CNTN4: variants seen among roughly 807,000 people sequenced by gnomAD.
CNTN4 encodes the protein contactin 4, also known as contactin-4.
A neutral mutation model predicts 122.5 loss-of-function variants in CNTN4; 77 were observed. That is an observed-to-expected ratio of 0.63 (90% CI 0.52 to 0.76). The LOEUF is 0.76. CNTN4 is among the 30% of genes least tolerant of loss of function. CNTN4 has a pLI of 0.00. For missense variants in CNTN4, 1,256 were observed against 1,259.1 expected (o/e 1.00, Z 0.04); for synonymous variants, 512 against 447.0 (o/e 1.15, Z -1.83).
intron 13 of CNTN4, 38 bp downstream of exon 13, chr3:2,925,817 G>C (rs778601896): frequency 6.5e-7 from 1 of 1,548,602 alleles, no homozygotes; most frequent in Non-Finnish European, 8.9e-7. Flanking sequence ...TGGTTAACCT[G>C]TAAAAATGTG....
intron 5 of CNTN4, 135 bp from the exon 6 acceptor site, chr3:2,745,387 T>A: frequency 1.3e-6 from 1 of 757,674 alleles, no homozygotes; most frequent in Non-Finnish European, 2.2e-6. Context: ...AGAGCATTTC[T>A]AACTTCTTAA....
Position 3,037,561 on chromosome 3 carries a change from C to T in CNTN4, c.2092+233C>T, listed in dbSNP as rs186701111. The T allele has an allele frequency of 3.6e-5, 20 of 552,410 alleles. 1 individual carries two copies. The highest frequency in any genetic ancestry group is 2.4e-4 in the Admixed American group (9 of 37,918). The allele number at this position is 552,410 out of a possible 1,614,324, so 34.2% of individuals were successfully genotyped here. ...GTCCACTTGTACAGCAAGAGACACA[C>T]GGTGCTTAGTCCTCTCAAAAGCCAG... On this transcript the variant is annotated intron_variant, in intron 18 of 24. Transcript: ENST00000418658.
rs569455202 is a variant in CNTN4, at chr3:2,834,302, C to T, written c.454+14721C>T. Among the ~76,000 whole-genome samples, 61 of 152,176 alleles carry T rather than the reference C, an allele frequency of 4.0e-4. 1 individual carries two copies. In the Middle Eastern group the frequency reaches 0.021, roughly 51 times the overall value. ...AGTTGTGGCCAGGCATAGTGGCTCA[C>T]GCCTGTAATCCCAGCACTTTGGGAG... On this transcript the variant is annotated intron_variant, in intron 7 of 24. Coordinates refer to ENST00000418658, the MANE Select transcript of CNTN4 (RefSeq NM_175607.3).
At chr3:2,326,115 T>C (rs998259046) in intron 2 of CNTN4, among the ~76,000 whole-genome samples, 1 of 152,194 alleles carries the variant, frequency 6.6e-6, no homozygotes, top group Non-Finnish European at 1.5e-5. Context: ...AATTAGTAGA[T>C]GGAATAAAGC....
In CNTN4 at chr3:2,722,852, G is replaced by T. The variant is rs141279836; in HGVS notation, c.56-13363G>T. Among the ~76,000 whole-genome samples the T allele has an allele frequency of 1.5e-3, 221 of 152,220 alleles. 1 individual carries two copies. Among genetic ancestry groups the T allele is most frequent in the African/African-American group, 5.2e-3 (214 of 41,548 alleles). ...CTCTTTTATAATGTTTTCTATAGAGGATACTTTAGGACAGAATATCCCTTC... is the reference window on the plus strand; with the variant it reads ...CTCTTTTATAATGTTTTCTATAGAGTATACTTTAGGACAGAATATCCCTTC... On this transcript the variant is annotated intron_variant, in intron 4 of 24. Transcript: ENST00000418658.
chr3:2,453,809 T>G (rs2048911344), intron 3 of CNTN4, among the ~76,000 whole-genome samples: 1 of 152,154 alleles, frequency 6.6e-6, no homozygotes, highest in African/African-American at 2.4e-5. Flanking sequence ...TAGCCCAAAC[T>G]ACAAGTCAAC....
At chr3:2,932,798 G>GTATT (rs1394569935) in intron 13 of CNTN4, among the ~76,000 whole-genome samples, 1 of 135,208 alleles carries the variant, frequency 7.4e-6, no homozygotes, top group African/African-American at 3.0e-5. Flanking sequence ...GATGCTTACA[G>GTATT]TCTTTATTTA....
chr3:2,898,245 C>G (rs1012106306), intron 10 of CNTN4, among the ~76,000 whole-genome samples: 1 of 152,108 alleles, frequency 6.6e-6, no homozygotes, highest in African/African-American at 2.4e-5. Context: ...TCTTCATGGG[C>G]CCACGTTCAG....
intron 4 of CNTN4, among the ~76,000 whole-genome samples, chr3:2,645,886 T>C (rs1470392843): frequency 2.0e-5 from 3 of 152,220 alleles, no homozygotes; most frequent in Non-Finnish European, 2.9e-5. Context: ...CACTGAGACA[T>C]ACATGCACAG....
chr3:2,353,284 A>G (rs2044718836), intron 3 of CNTN4, among the ~76,000 whole-genome samples: 1 of 152,178 alleles, frequency 6.6e-6, no homozygotes, highest in South Asian at 2.1e-4. Flanking sequence ...TAAACACACC[A>G]ATCAGCACCC....
chr3:2,578,026 C>G (rs570283604), intron 4 of CNTN4, among the ~76,000 whole-genome samples: 2 of 152,226 alleles, frequency 1.3e-5, no homozygotes, highest in African/African-American at 4.8e-5. Context: ...GGAGAAAGAT[C>G]CTGTATAATT....
chr3:2,110,709 G>T (rs986548017), intron 2 of CNTN4: 1 of 148,150 alleles, frequency 6.7e-6, no homozygotes, highest in Non-Finnish European at 1.5e-5. Context: ...CTGTGAAGGG[G>T]CCTGTTTCTC....
chr3:2,225,023 G>A (rs563498612), intron 2 of CNTN4, among the ~76,000 whole-genome samples: 12 of 151,830 alleles, frequency 7.9e-5, no homozygotes, highest in Admixed American at 4.6e-4. Context: ...GGTGGCGGGC[G>A]CCTGTAGTCC....
intron 3 of CNTN4, among the ~76,000 whole-genome samples, chr3:2,541,278 G>A (rs1191935812): frequency 6.6e-6 from 1 of 152,000 alleles, no homozygotes; most frequent in Non-Finnish European, 1.5e-5. Context: ...ACTTTCCTTA[G>A]TTTTTTTCTT....
chr3:2,771,174 G>A (rs181630848), intron 6 of CNTN4, among the ~76,000 whole-genome samples: 1 of 152,278 alleles, frequency 6.6e-6, no homozygotes, highest in East Asian at 1.9e-4. Context: ...TGGGAGATAG[G>A]CATGCCACCT....
chr3:2,874,225 C>G (rs1460442533), intron 8 of CNTN4, among the ~76,000 whole-genome samples: 1 of 152,140 alleles, frequency 6.6e-6, no homozygotes, highest in Non-Finnish European at 1.5e-5. Flanking sequence ...TTTGGCTACT[C>G]AGTTAGAAAG....
At chr3:2,197,068 A>AAAAAAAAG (rs1559333924) in intron 2 of CNTN4, among the ~76,000 whole-genome samples, 3 of 139,790 alleles carry the variant, frequency 2.1e-5, no homozygotes, top group Non-Finnish European at 3.0e-5. Context: ...AAAAAAAAAA[A>AAAAAAAAG]AAGAAGAAGA....
chr3:2,328,347 G>GAA (rs2043557208), intron 2 of CNTN4, among the ~76,000 whole-genome samples: 1 of 148,680 alleles, frequency 6.7e-6, no homozygotes, highest in Admixed American at 6.7e-5. Flanking sequence ...CGGAGCTTGC[G>GAA]GTGAGCCAAG....
intron 4 of CNTN4, among the ~76,000 whole-genome samples, chr3:2,711,007 C>T (rs1336238104): frequency 6.6e-6 from 1 of 152,144 alleles, no homozygotes; most frequent in Non-Finnish European, 1.5e-5. Context: ...GGTATGAAAC[C>T]AGTGGAATTG....
Sources: gnomAD v4.1 joint callset for allele counts (sites outside exome capture counted in the v4.1 genomes callset) on GRCh38, gnomAD v4.1.1 for gene constraint, MANE v1.5 for transcripts, NCBI Gene and HGNC (gene_info 2026-07-23, HGNC 2026-07-21) for gene names.